The following PIK3R3 variants were observed in gnomAD, a reference collection of about 807,000 sequenced individuals.
The protein encoded by PIK3R3 is phosphoinositide-3-kinase regulatory subunit 3, also known as phosphatidylinositol 3-kinase regulatory subunit gamma.
In PIK3R3, 64 loss-of-function variants were observed where a neutral mutation model predicts 62.9. The observed-to-expected ratio is 1.02, with a 90% CI of 0.83 to 1.25. The LOEUF is 1.25. Ranked by LOEUF, PIK3R3 falls within the 50% of genes most tolerant of loss-of-function variation. The pLI is 0.00. For missense variants in PIK3R3, 614 were observed against 561.6 expected (o/e 1.09, Z -0.94); for synonymous variants, 165 against 189.0 (o/e 0.87, Z 1.04).
the PIK3R3 span, among the ~76,000 whole-genome samples, chr1:46,150,911 C>T: frequency 2.0e-5 from 3 of 149,976 alleles, no homozygotes; most frequent in Non-Finnish European, 4.4e-5. Flanking sequence ...CGAGTTCAAG[C>T]GATTCTCCTG....
chr1:46,124,466 C>T (rs969187797), intron 1 of PIK3R3, among the ~76,000 whole-genome samples: 9 of 152,138 alleles, frequency 5.9e-5, no homozygotes, highest in Admixed American at 3.9e-4. Flanking sequence ...ATCATAAACA[C>T]GTCCTATCTT....
At chr1:46,061,697 T>C (rs961931845) in intron 6 of PIK3R3, among the ~76,000 whole-genome samples, 7 of 152,162 alleles carry the variant, frequency 4.6e-5, no homozygotes, top group Admixed American at 4.6e-4. Flanking sequence ...CTAGAAAAGA[T>C]GATATCTAAC....
intron 1 of PIK3R3, among the ~76,000 whole-genome samples, chr1:46,110,159 T>G (rs1286181257): frequency 6.6e-6 from 1 of 151,916 alleles, no homozygotes; most frequent in Non-Finnish European, 1.5e-5. Context: ...TTGCCCAAGC[T>G]GGAGTGCAGT....
intron 1 of PIK3R3, among the ~76,000 whole-genome samples, chr1:46,114,004 T>C (rs917060175): frequency 2.6e-5 from 4 of 152,210 alleles, no homozygotes; most frequent in African/African-American, 7.2e-5. Flanking sequence ...TTTACAGATA[T>C]GTCTTTCATA....
intron 1 of PIK3R3, among the ~76,000 whole-genome samples, chr1:46,113,398 A>C (rs1214974472): frequency 6.6e-6 from 1 of 150,982 alleles, no homozygotes; most frequent in African/African-American, 2.4e-5. Flanking sequence ...GGCTCAAGGA[A>C]TCCTCCCACT....
the PIK3R3 span, among the ~76,000 whole-genome samples, chr1:46,143,738 C>G: frequency 8.5e-5 from 13 of 152,288 alleles, no homozygotes; most frequent in East Asian, 1.9e-3. Flanking sequence ...CCACTTTGGC[C>G]TCCCAAAGTT....
chr1:46,089,998 C>T (rs554376523), intron 1 of PIK3R3, among the ~76,000 whole-genome samples: 5 of 152,082 alleles, frequency 3.3e-5, no homozygotes, highest in Admixed American at 1.3e-4. Context: ...AAGAAAAGGC[C>T]GGAAGAGTTA....
In PIK3R3 at chr1:46,067,107, C is replaced by A. The variant is rs749541000; in HGVS notation, c.315-16G>T. ...GCCTCCCTTCCTGTGAACAACAAGA[C>A]AACAACTGTGGATTTTTTTCCCCCA... On this transcript the variant is annotated splice_polypyrimidine_tract_variant and intron_variant, in intron 3 of 9. Transcript: ENST00000262741. 1.3e-6 allele frequency: 2 copies of A among 1,518,778 alleles called. No homozygotes were observed. The highest frequency in any genetic ancestry group is 2.6e-5 in the South Asian group (2 of 75,968). The allele number at this position is 1,518,778 out of a possible 1,614,324, so 94.1% of individuals were successfully genotyped here.
At chr1:46,118,831 C>T (rs904040473) in intron 1 of PIK3R3, among the ~76,000 whole-genome samples, 1 of 152,096 alleles carries the variant, frequency 6.6e-6, no homozygotes, top group Admixed American at 6.5e-5. Flanking sequence ...GCTGGGATTA[C>T]AGGCATGAGC....
At position 46,041,321 on chromosome 1, in the gene PIK3R3, T is replaced by G. The variant is rs891184399; in HGVS notation, c.*2352A>C. 6 of 161,482 alleles carry G rather than the reference T, an allele frequency of 3.7e-5. No individual in the cohort carries two copies. Among genetic ancestry groups the G allele is most frequent in the Non-Finnish European group, 6.8e-5 (5 of 73,542 alleles). The allele number at this position is 161,482 out of a possible 1,614,324, so 10.0% of individuals were successfully genotyped here. On this transcript the variant is annotated 3_prime_UTR_variant, in exon 10 of 10. Transcript: ENST00000262741. ...GTCAGAAAAGATACTGTCAAACCTC[T>G]CAAATGACCCCTGGGTCTTAGATCC...
At chr1:46,047,669 T>C (rs1647152562) in intron 7 of PIK3R3, among the ~76,000 whole-genome samples, 2 of 152,206 alleles carry the variant, frequency 1.3e-5, no homozygotes, top group African/African-American at 4.8e-5. Context: ...AGGACTATCC[T>C]AACTGTCCCA....
intron 1 of PIK3R3, among the ~76,000 whole-genome samples, chr1:46,089,334 T>G (rs2149425322): frequency 6.6e-6 from 1 of 152,308 alleles, no homozygotes; most frequent in African/African-American, 2.4e-5. Flanking sequence ...GTAAATTATT[T>G]GATGTTTAAC....
At chr1:46,125,339 G>A (rs976205997) in intron 1 of PIK3R3, among the ~76,000 whole-genome samples, 10 of 151,798 alleles carry the variant, frequency 6.6e-5, no homozygotes, top group Admixed American at 4.6e-4. Context: ...TGTCCCAAAC[G>A]ACAATATCAT....
the PIK3R3 span, among the ~76,000 whole-genome samples, chr1:46,174,280 G>T: frequency 1.3e-5 from 2 of 152,074 alleles, no homozygotes; most frequent in Non-Finnish European, 2.9e-5. Flanking sequence ...CTTGAGCATG[G>T]CCCAAGCACC....
chr1:46,078,590 T>TA (rs1265717274), intron 2 of PIK3R3, among the ~76,000 whole-genome samples: 1 of 152,150 alleles, frequency 6.6e-6, no homozygotes, highest in Non-Finnish European at 1.5e-5. Flanking sequence ...TTCAAAAAGT[T>TA]AAACACAGAA....
intron 1 of PIK3R3, among the ~76,000 whole-genome samples, chr1:46,120,043 G>A (rs977014834): frequency 3.9e-5 from 6 of 151,966 alleles, no homozygotes; most frequent in African/African-American, 1.5e-4. Context: ...TCATTCCACA[G>A]GTCCCAAGTT....
chr1:46,123,133 T>C (rs991123428), intron 1 of PIK3R3, among the ~76,000 whole-genome samples: 23 of 152,304 alleles, frequency 1.5e-4, no homozygotes, highest in Admixed American at 1.3e-3. Flanking sequence ...AAGAAACTTA[T>C]CTTGTTTGGG....
chr1:46,081,814 A>T (rs1476138498), intron 1 of PIK3R3, among the ~76,000 whole-genome samples: 2 of 152,174 alleles, frequency 1.3e-5, no homozygotes, highest in Non-Finnish European at 2.9e-5. Context: ...CCTGAACATC[A>T]TCATGTGCCA....
chr1:46,066,002 TGTAACTAAAA>T, intron 5 of PIK3R3, 42 bp downstream of exon 5: 1 of 1,539,008 alleles, frequency 6.5e-7, no homozygotes, highest in East Asian at 2.3e-5. Flanking sequence ...GAAAATTTGA[TGTAACTAAAA>T]CATTGCACAC....
Sources: gnomAD v4.1 joint callset for allele counts (sites outside exome capture counted in the v4.1 genomes callset) on GRCh38, gnomAD v4.1.1 for gene constraint, MANE v1.5 for transcripts, NCBI Gene and HGNC (gene_info 2026-07-23, HGNC 2026-07-21) for gene names.